Variants in ECT2 observed in about 807,000 individuals in gnomAD.
ECT2 encodes epithelial cell transforming 2.
Under a neutral mutation model 116.9 loss-of-function variants are expected in ECT2, and 61 were observed. The ratio of observed to expected loss-of-function variants is 0.52; its 90% CI spans 0.42 to 0.65. ECT2 has a LOEUF of 0.65. Among genes scored for constraint, ECT2 ranks in the 30% least tolerant of loss-of-function variants. The pLI is 0.00. For synonymous variants in ECT2, 358 were observed against 346.4 expected (o/e 1.03, Z -0.37); for missense variants, 937 against 1,078.7 (o/e 0.87, Z 1.84).
In ECT2 at chr3:172,762,955, A is replaced by G. The variant is rs374691305; in HGVS notation, c.1051A>G (p.Met351Val). The change falls in exon 11 of 25, where the codon ATG becomes GTG. Residue 351 changes from methionine (M) to valine (V), a missense_variant. By Grantham distance (21) the Met-to-Val change is conservative. Transcript: ENST00000392692. ...AATGGATGCCCGAGCTGGAGAAACTATGTATTTATATGAAAAGGTATGCTT... is the reference window on the plus strand; with the variant it reads ...AATGGATGCCCGAGCTGGAGAAACTGTGTATTTATATGAAAAGGTATGCTT... ...IQMDARAGET[M>V]YLYEKANTPE... 3.9e-5 allele frequency: 63 copies of G among 1,613,686 alleles called. No homozygotes were observed. The highest frequency in any genetic ancestry group is 5.0e-5 in the Non-Finnish European group (59 of 1,179,802).
At chr3:172,790,089 A>T (rs181302001) in intron 18 of ECT2, among the ~76,000 whole-genome samples, 1 of 151,598 alleles carries the variant, frequency 6.6e-6, no homozygotes, top group Non-Finnish European at 1.5e-5. Flanking sequence ...GCTGCTGACC[A>T]CTGCAGGCTC....
rs768166018 is a variant in ECT2, at chr3:172,815,666, T to C, written c.2463T>C (p.Ser821=). 1.0e-5 allele frequency: 16 copies of C among 1,606,416 alleles called. No individual in the cohort carries two copies. The South Asian group carries it at 1.5e-4, about 15-fold the overall frequency. ...AAGTAAATACAAAAGATATGGACAGTACATTGAGTAGAGCATCAAGAGCAA... is the reference window on the plus strand; with the variant it reads ...AAGTAAATACAAAAGATATGGACAGCACATTGAGTAGAGCATCAAGAGCAA... The part of the protein sequence containing the change: ...SFEVNTKDMD[S]TLSRASRAIK... The change falls in exon 23 of 25, where the codon AGT becomes AGC. Residue 821 remains serine (S), a synonymous_variant. Transcript: ENST00000392692.
intron 18 of ECT2, among the ~76,000 whole-genome samples, chr3:172,790,462 A>G (rs1267893397): frequency 6.6e-6 from 1 of 152,228 alleles, no homozygotes. Context: ...TGAAAAGAAA[A>G]GAAAAGAGAG....
chr3:172,805,604 C>T, intron 20 of ECT2, 127 bp from the exon 21 acceptor site: 1 of 943,970 alleles, frequency 1.1e-6, no homozygotes, highest in Non-Finnish European at 1.5e-6. Flanking sequence ...CTTATAACAA[C>T]TTTGTAACGA....
At chr3:172,824,349 G>T (rs1321622292), downstream of ECT2, among the ~76,000 whole-genome samples, 2 of 152,180 alleles carry the variant, frequency 1.3e-5, no homozygotes, top group Non-Finnish European at 2.9e-5. Flanking sequence ...AAGGTGAAGG[G>T]GAAGCCAGCA....
chr3:172,826,761 A>G, the ECT2 span, among the ~76,000 whole-genome samples: 2 of 152,326 alleles, frequency 1.3e-5, no homozygotes, highest in African/African-American at 4.8e-5. Flanking sequence ...AGCCATCAAC[A>G]TTGAGGTAAG....
chr3:172,812,177 T>A (rs1728883138), intron 22 of ECT2, among the ~76,000 whole-genome samples: 1 of 152,044 alleles, frequency 6.6e-6, no homozygotes, highest in Non-Finnish European at 1.5e-5. Flanking sequence ...AGAGACGGGG[T>A]TTCACCGTGT....
downstream of ECT2, among the ~76,000 whole-genome samples, chr3:172,825,753 G>A (rs115933036): frequency 1.7e-3 from 266 of 152,338 alleles, no homozygotes; most frequent in Non-Finnish European, 2.2e-3. Context: ...AAAGTGCAAT[G>A]TGAAGCAGCA....
intron 13 of ECT2, 25 bp from the exon 14 acceptor site, chr3:172,773,878 T>G (rs756055589): frequency 1.6e-5 from 26 of 1,608,410 alleles, no homozygotes; most frequent in Admixed American, 8.4e-5. Flanking sequence ...ACAATCTACT[T>G]AAACTAGTCT....
rs762828616 is a variant in ECT2, at chr3:172,802,872, A to G, written c.1998A>G (p.Leu666=). Residue 666 remains leucine (L), a synonymous_variant, in exon 20 of 25, where the codon TTA becomes TTG. Transcript: ENST00000392692. ...YEVDGCPANL[L]SSHRSLVQRV... is the part of the protein sequence containing the mutation. ...TTCAACCTATACAGGCTAATCTTTT[A>G]TCTTCTCACCGAAGCTTAGTACAGC... 2 of 1,612,412 alleles carry G rather than the reference A, an allele frequency of 1.2e-6. No homozygotes were observed. The highest frequency in any genetic ancestry group is 1.7e-6 in the Non-Finnish European group (2 of 1,179,292).
chr3:172,774,035 A>G lies in ECT2; in HGVS notation c.1548+13A>G, dbSNP rs375386578. 14 of 1,606,374 alleles carry G rather than the reference A, an allele frequency of 8.7e-6. No homozygotes were observed. In the African/African-American group the frequency reaches 1.2e-4, roughly 14 times the overall value. On this transcript the variant is annotated intron_variant, in intron 14 of 24. Coordinates refer to ENST00000392692, the MANE Select transcript of ECT2 (RefSeq NM_001258315.2). ...CACTAAGATAAAGGTAAATTTGTAT[A>G]TGTTAGATTGGTAGTAATTTTTTTC...
At chr3:172,769,266 A>G in intron 13 of ECT2, 123 bp downstream of exon 13, 1 of 1,001,266 alleles carries the variant, frequency 1.0e-6, no homozygotes, top group Non-Finnish European at 1.4e-6. Flanking sequence ...GATGTTAAAA[A>G]TGGAATTGTG....
chr3:172,808,674 G>C (rs989038988), intron 22 of ECT2, among the ~76,000 whole-genome samples: 3 of 152,102 alleles, frequency 2.0e-5, no homozygotes, highest in African/African-American at 7.2e-5. Flanking sequence ...TTGCACAAAT[G>C]ACATAGATTG....
chr3:172,787,791 A>G lies in ECT2; in HGVS notation c.1907+1217A>G, dbSNP rs531926706. The stretch of plus-strand genomic sequence containing the variant: ...AAACTGAGAGGTTGTTACCTGCTCA[A>G]TTTATCTGTTTGGAGTGTAGAATAC... On this transcript the variant is annotated intron_variant, in intron 18 of 24. Transcript: ENST00000392692. 1.8e-3 allele frequency among the ~76,000 whole-genome samples: 272 copies of G among 152,284 alleles called. 3 individuals carry two copies. Among genetic ancestry groups the G allele is most frequent in the African/African-American group, 5.8e-3 (243 of 41,562 alleles).
intron 18 of ECT2, among the ~76,000 whole-genome samples, chr3:172,801,340 A>G (rs1186782969): frequency 6.6e-6 from 1 of 152,214 alleles, no homozygotes; most frequent in Non-Finnish European, 1.5e-5. Flanking sequence ...AACAGTATTT[A>G]GTCTAAGGTT....
At chr3:172,751,513 G>T (rs1403225803) in intron 1 of ECT2, among the ~76,000 whole-genome samples, 1 of 152,110 alleles carries the variant, frequency 6.6e-6, no homozygotes, top group Non-Finnish European at 1.5e-5. Context: ...TTACTGCAGA[G>T]ATTAAAAGGT....
the ECT2 span, chr3:172,828,735 G>T: frequency 1.9e-6 from 1 of 528,920 alleles, no homozygotes; most frequent in Non-Finnish European, 3.5e-6. Flanking sequence ...GGAGCCTCAC[G>T]TGGCGAAGAG....
intron 22 of ECT2, among the ~76,000 whole-genome samples, chr3:172,810,501 A>C (rs997384763): frequency 1.3e-5 from 2 of 152,182 alleles, no homozygotes; most frequent in Non-Finnish European, 2.9e-5. Flanking sequence ...TTAAAACTAT[A>C]ATTATTCTTC....
Position 172,807,943 on chromosome 3 carries a change from A to G in ECT2, c.2400+19A>G. The G allele has an allele frequency of 6.2e-7, 1 of 1,603,916 alleles. No homozygotes were observed. The highest frequency in any genetic ancestry group is 8.5e-7 in the Non-Finnish European group (1 of 1,174,210). On this transcript the variant is annotated intron_variant, in intron 22 of 24. Coordinates refer to ENST00000392692, the MANE Select transcript of ECT2 (RefSeq NM_001258315.2). ...AGATGCTGTAAGTTCTTAAAACAGT[A>G]TTATAATGAAAGTTTAAATTTCATG...
Sources: gnomAD v4.1 joint callset for allele counts (sites outside exome capture counted in the v4.1 genomes callset) on GRCh38, gnomAD v4.1.1 for gene constraint, MANE v1.5 for transcripts, NCBI Gene and HGNC (gene_info 2026-07-23, HGNC 2026-07-21) for gene names.